The following PDE4D variants were observed in gnomAD, a reference collection of about 807,000 sequenced individuals.
The protein encoded by PDE4D is phosphodiesterase 4D.
Under a neutral mutation model 87.4 loss-of-function variants are expected in PDE4D, and 24 were observed. The ratio of observed to expected loss-of-function variants is 0.27; its 90% confidence interval spans 0.20 to 0.39. The LOEUF (loss-of-function observed/expected upper bound fraction) is 0.39. Ranked by LOEUF, PDE4D falls within the 10% of genes least tolerant of loss-of-function variation. The pLI, the probability that PDE4D is intolerant of heterozygous loss-of-function variation, is 1.00. For synonymous variants in PDE4D, 384 were observed against 383.2 expected (o/e 1.00, Z -0.02); for missense variants, 714 against 1,041.0 (o/e 0.69, Z 4.32).
Position 60,030,238 on chromosome 5 carries a change from C to A in PDE4D, c.43-41521G>T, listed in dbSNP as rs1767092216. On this transcript the variant is annotated intron_variant, in intron 2 of 16. Coordinates refer to the PDE4D transcript ENST00000502484. The stretch of plus-strand genomic sequence containing the variant: ...GGCCGAGGCGGGTGGATCATGAGGT[C>A]AGGAGATCGAGACCATCCTGGCTAA... 2.0e-5 allele frequency among the ~76,000 whole-genome samples: 3 copies of A among 152,018 alleles called. No individual in the cohort carries two copies. In the South Asian group the frequency reaches 6.2e-4, roughly 32 times the overall value.
rs1003741043 is a variant in PDE4D, at chr5:59,289,333, A to G, written c.456-73365T>C. ...TTTACAAGCCTCCTGGTAATCGCAA[A>G]TCAAAAAATATACAACAGGTTCTCA... On this transcript the variant is annotated intron_variant, in intron 1 of 14. Coordinates refer to ENST00000340635, the MANE Select transcript of PDE4D (RefSeq NM_001104631.2). Among the ~76,000 whole-genome samples the G allele has an allele frequency of 2.0e-5, 3 of 152,054 alleles. No homozygotes were observed. In the South Asian group the frequency reaches 6.2e-4, roughly 31 times the overall value.
intron 1 of PDE4D, among the ~76,000 whole-genome samples, chr5:59,713,183 T>C (rs1033964686): frequency 2.6e-5 from 4 of 152,130 alleles, no homozygotes; most frequent in Non-Finnish European, 5.9e-5. Context: ...GAAAAAATAA[T>C]TAAAACAATA....
At position 59,837,526 on chromosome 5, in the gene PDE4D, G is replaced by C. The variant is rs1385833564; in HGVS notation, c.455+55642C>G. Reference sequence around the variant, plus strand: ...GTTCCTTTGTGAAGCCAAGTGCTGGGAAAGTGTTTATTATATGACTGATGC... The same window carrying C: ...GTTCCTTTGTGAAGCCAAGTGCTGGCAAAGTGTTTATTATATGACTGATGC... On this transcript the variant is annotated intron_variant, in intron 1 of 14. Transcript: ENST00000340635. Among the ~76,000 whole-genome samples the C allele has an allele frequency of 3.3e-5, 5 of 151,994 alleles. No individual in the cohort carries two copies. In the East Asian group the frequency reaches 9.7e-4, roughly 29 times the overall value.
chr5:60,155,371 A>C (rs1038671974), intron 2 of PDE4D, among the ~76,000 whole-genome samples: 3 of 151,960 alleles, frequency 2.0e-5, no homozygotes, highest in African/African-American at 7.3e-5. Context: ...CTTATTGACT[A>C]TTTGGATTTC....
At chr5:59,559,714 T>TA (rs895065757) in intron 1 of PDE4D, among the ~76,000 whole-genome samples, 18 of 151,322 alleles carry the variant, frequency 1.2e-4, no homozygotes, top group African/African-American at 1.9e-4. Context: ...TAGAAAAGAT[T>TA]AAAAAAAAAT....
At chr5:59,663,805 T>C (rs1297622510) in intron 1 of PDE4D, among the ~76,000 whole-genome samples, 1 of 152,150 alleles carries the variant, frequency 6.6e-6, no homozygotes, top group Non-Finnish European at 1.5e-5. Flanking sequence ...AGTATCAAAA[T>C]ATACAGCAGA....
chr5:60,436,734 T>A (rs1744786954), intron 1 of PDE4D, among the ~76,000 whole-genome samples: 1 of 152,058 alleles, frequency 6.6e-6, no homozygotes, highest in Non-Finnish European at 1.5e-5. Flanking sequence ...TTCGGTTCAC[T>A]GAAGCATACT....
chr5:60,245,874 G>A (rs1688350188), intron 1 of PDE4D, among the ~76,000 whole-genome samples: 1 of 151,468 alleles, frequency 6.6e-6, no homozygotes, highest in African/African-American at 2.4e-5. Context: ...AGCCCAACAG[G>A]GTGACTATAG....
At position 60,102,554 on chromosome 5, in the gene PDE4D, G is replaced by A. The variant is rs762184225; in HGVS notation, c.42+83003C>T. 1.1e-4 allele frequency among the ~76,000 whole-genome samples: 16 copies of A among 152,148 alleles called. 1 individual carries two copies. The highest frequency in any genetic ancestry group is 3.3e-4 in the Admixed American group (5 of 15,262). ...AATTTCATTTTAACATGACTGTCAC[G>A]TTTTGAAGAAACCTTAAGACCCCAG... On this transcript the variant is annotated intron_variant, in intron 2 of 16. Coordinates refer to the PDE4D transcript ENST00000502484.
Position 58,969,521 on chromosome 5 carries a change from T to G in PDE4D, c.*5143A>C, listed in dbSNP as rs936017029. 1 of 152,188 alleles carries G rather than the reference T, an allele frequency of 6.6e-6. No homozygotes were observed. Among genetic ancestry groups the G allele is most frequent in the African/African-American group, 2.4e-5 (1 of 41,428 alleles). 9.4% of individuals were successfully genotyped at this position (152,188 alleles called of 1,614,324 possible). On this transcript the variant is annotated 3_prime_UTR_variant, in exon 15 of 15. Transcript: ENST00000340635. ...CTCTTACAATCCTTCAGAACTCAGATGCAAATCACTTTCTCAAGGCCTCAA... is the reference window on the plus strand; with the variant it reads ...CTCTTACAATCCTTCAGAACTCAGAGGCAAATCACTTTCTCAAGGCCTCAA...
At chr5:59,595,156 G>C (rs1826488245) in intron 1 of PDE4D, among the ~76,000 whole-genome samples, 1 of 152,092 alleles carries the variant, frequency 6.6e-6, no homozygotes, top group Non-Finnish European at 1.5e-5. Flanking sequence ...TATTTGTAAT[G>C]TCAATAGATT....
intron 1 of PDE4D, among the ~76,000 whole-genome samples, chr5:59,423,893 G>T (rs1015337413): frequency 7.9e-5 from 12 of 151,844 alleles, no homozygotes; most frequent in Non-Finnish European, 1.3e-4. Context: ...TTAGAAAGTG[G>T]ATCTGTGGAT....
intron 1 of PDE4D, among the ~76,000 whole-genome samples, chr5:59,613,541 C>G (rs1443132690): frequency 6.6e-6 from 1 of 152,050 alleles, no homozygotes; most frequent in African/African-American, 2.4e-5. Context: ...GGGACATGTC[C>G]ATGCTAAGAC....
At chr5:60,285,462 CA>C (rs938636688) in intron 1 of PDE4D, among the ~76,000 whole-genome samples, 45 of 144,328 alleles carry the variant, frequency 3.1e-4, no homozygotes, top group African/African-American at 7.3e-4. Context: ...AAAGAACAAA[CA>C]AAAAAAAAAC....
upstream of PDE4D, chr5:60,490,064 T>C (rs1407047746): frequency 6.6e-6 from 1 of 152,228 alleles, no homozygotes; most frequent in Non-Finnish European, 1.5e-5. Flanking sequence ...CTTTTGTACA[T>C]TCTCTGTGTC....
At chr5:59,944,218 A>T (rs576499625) in intron 3 of PDE4D, among the ~76,000 whole-genome samples, 16 of 152,312 alleles carry the variant, frequency 1.1e-4, no homozygotes, top group African/African-American at 3.6e-4. Context: ...TACCTGAGCT[A>T]TTTTTAAAAT....
At chr5:60,466,629 A>G (rs902465341) in intron 1 of PDE4D, among the ~76,000 whole-genome samples, 2 of 152,230 alleles carry the variant, frequency 1.3e-5, no homozygotes, top group African/African-American at 4.8e-5. Flanking sequence ...GAGCAATTCA[A>G]TGAGATTGAA....
At chr5:59,227,911 A>G (rs1754193446) in intron 1 of PDE4D, among the ~76,000 whole-genome samples, 1 of 152,234 alleles carries the variant, frequency 6.6e-6, no homozygotes, top group African/African-American at 2.4e-5. Context: ...GTATATACCA[A>G]AAGGAATATA....
At chr5:59,633,862 T>C (rs564771996) in intron 1 of PDE4D, among the ~76,000 whole-genome samples, 1 of 152,162 alleles carries the variant, frequency 6.6e-6, no homozygotes, top group Non-Finnish European at 1.5e-5. Context: ...AGCATCATAA[T>C]GACAGGATCA....
Sources: gnomAD v4.1 joint callset for allele counts (sites outside exome capture counted in the v4.1 genomes callset) on GRCh38, gnomAD v4.1.1 for gene constraint, MANE v1.5 for transcripts, NCBI Gene and HGNC (gene_info 2026-07-23, HGNC 2026-07-21) for gene names.